The following TSPAN9 variants were observed in gnomAD, a reference collection of about 807,000 sequenced individuals.
TSPAN9 encodes tetraspanin-9.
Under a neutral mutation model 31.0 loss-of-function variants are expected in TSPAN9, and 16 were observed. That is an observed-to-expected ratio of 0.52 (90% CI 0.35 to 0.78). The LOEUF (loss-of-function observed/expected upper bound fraction) is 0.78. TSPAN9 is among the 30% of genes least tolerant of loss of function. TSPAN9 has a pLI of 0.01. For synonymous variants in TSPAN9, 145 were observed against 121.6 expected, an observed-to-expected ratio of 1.19 and a Z score of -1.27; for missense variants, 272 against 312.5, an observed-to-expected ratio of 0.87 and a Z score of 0.98.
At chr12:3,198,489 T>C (rs1223550170) in intron 2 of TSPAN9, among the ~76,000 whole-genome samples, 2 of 69,720 alleles carry the variant, frequency 2.9e-5, no homozygotes, top group African/African-American at 7.3e-5. Context: ...CCAGCACAGG[T>C]CACCAGCACA....
chr12:3,231,202 G>C (rs1280892695), intron 3 of TSPAN9, among the ~76,000 whole-genome samples: 1 of 152,148 alleles, frequency 6.6e-6, no homozygotes, highest in Non-Finnish European at 1.5e-5. Context: ...AGAACAGCAG[G>C]TGCAGAAATG....
chr12:3,174,234 GTT>G (rs531606657), intron 2 of TSPAN9, among the ~76,000 whole-genome samples: 35 of 152,146 alleles, frequency 2.3e-4, no homozygotes, highest in South Asian at 1.2e-3. Context: ...TACCTGGCTA[GTT>G]TTTTAGTTTT....
At chr12:3,100,328 C>G (rs10744592) in intron 2 of TSPAN9, among the ~76,000 whole-genome samples, 93,377 of 152,004 alleles carry the variant, frequency 0.61, 29,366 homozygotes, top group African/African-American at 0.74. Context: ...ACTCTCTGCT[C>G]TCCTCTCCTC....
chr12:3,163,841 A>G (rs1438611650), intron 2 of TSPAN9, among the ~76,000 whole-genome samples: 1 of 152,350 alleles, frequency 6.6e-6, no homozygotes, highest in Admixed American at 6.5e-5. Context: ...TGGAGGATAC[A>G]GAAAACCTCT....
At chr12:3,079,062 C>T (rs189300480) in intron 1 of TSPAN9, among the ~76,000 whole-genome samples, 382 of 152,014 alleles carry the variant, frequency 2.5e-3, no homozygotes, top group African/African-American at 8.6e-3. Flanking sequence ...TCACTGCAAC[C>T]CCCGCGTCCC....
At chr12:3,125,734 G>A (rs2098327076) in intron 2 of TSPAN9, among the ~76,000 whole-genome samples, 1 of 151,970 alleles carries the variant, frequency 6.6e-6, no homozygotes, top group Admixed American at 6.6e-5. Context: ...TTGTTGTTGT[G>A]GCCTGCTGGG....
At chr12:3,097,362 T>C (rs888382973) in intron 2 of TSPAN9, among the ~76,000 whole-genome samples, 1 of 152,148 alleles carries the variant, frequency 6.6e-6, no homozygotes, top group Non-Finnish European at 1.5e-5. Flanking sequence ...TATTTTGGGT[T>C]TGGTGGGCTG....
chr12:3,214,049 C>T (rs937067223), intron 3 of TSPAN9, among the ~76,000 whole-genome samples: 5 of 152,196 alleles, frequency 3.3e-5, no homozygotes, highest in Non-Finnish European at 7.3e-5. Context: ...GGGTTCTAGT[C>T]CCCGGCATGC....
intron 3 of TSPAN9, among the ~76,000 whole-genome samples, chr12:3,246,191 G>A (rs560753868): frequency 5.3e-5 from 8 of 151,818 alleles, no homozygotes; most frequent in Middle Eastern, 3.4e-3. Context: ...TTGCGGGGCG[G>A]GGGGTGGTGC....
chr12:3,240,332 G>T (rs373573226), intron 3 of TSPAN9, among the ~76,000 whole-genome samples: 37 of 140,240 alleles, frequency 2.6e-4, no homozygotes, highest in South Asian at 9.1e-4. Flanking sequence ...GAGGCCAGGT[G>T]GGGGAGCAGC....
chr12:3,226,772 A>T (rs1299979988), intron 3 of TSPAN9, among the ~76,000 whole-genome samples: 4 of 1,634 alleles, frequency 2.4e-3, no homozygotes, highest in African/African-American at 5.7e-3. Context: ...ATATATATAT[A>T]TATATATATA....
intron 3 of TSPAN9, among the ~76,000 whole-genome samples, chr12:3,224,744 C>T (rs2098386280): frequency 6.6e-6 from 1 of 152,232 alleles, no homozygotes; most frequent in Non-Finnish European, 1.5e-5. Flanking sequence ...GTAATGACAG[C>T]TGTCGGGTCT....
chr12:3,169,228 C>T (rs1436957315), intron 2 of TSPAN9, among the ~76,000 whole-genome samples: 1 of 152,246 alleles, frequency 6.6e-6, no homozygotes, highest in Non-Finnish European at 1.5e-5. Context: ...AACTCTGTTT[C>T]GGGTGGGTGT....
At chr12:3,098,733 TG>T (rs1451950962) in intron 2 of TSPAN9, among the ~76,000 whole-genome samples, 3 of 151,912 alleles carry the variant, frequency 2.0e-5, no homozygotes, top group Admixed American at 6.6e-5. Context: ...GATATGGCAT[TG>T]TTTTTTTTTT....
intron 2 of TSPAN9, among the ~76,000 whole-genome samples, chr12:3,104,146 G>A (rs2098313113): frequency 6.6e-6 from 1 of 152,078 alleles, no homozygotes; most frequent in African/African-American, 2.4e-5. Context: ...ACAGCTGGAG[G>A]GGAGTGAGCA....
At position 3,281,593 on chromosome 12, in the gene TSPAN9, G is replaced by C. The variant is rs996190818; in HGVS notation, c.565-141G>C. ...GCGGGTGGGGCGGAGGCTGCGCCAA[G>C]GGATGGGGACAGGGCTGAGGCCAGG... On this transcript the variant is annotated intron_variant, in intron 7 of 8. Coordinates refer to ENST00000011898, the MANE Select transcript of TSPAN9 (RefSeq NM_006675.5). 6.2e-6 allele frequency: 7 copies of C among 1,129,332 alleles called. No homozygotes were observed. In the East Asian group the frequency reaches 1.5e-4, roughly 25 times the overall value. The allele number at this position is 1,129,332 out of a possible 1,614,324, so 70.0% of individuals were successfully genotyped here.
rs541931266 is a variant in TSPAN9 at position 3,203,494 on chromosome 12, A to C, written c.63+2238A>C. ...CTTAAAACCTTGGCAGAGGTTAATGAGCTAGTTGGTGGAATATATTTTCGT... is the reference window on the plus strand; with the variant it reads ...CTTAAAACCTTGGCAGAGGTTAATGCGCTAGTTGGTGGAATATATTTTCGT... On this transcript the variant is annotated intron_variant, in intron 3 of 8. Transcript: ENST00000011898. Among the ~76,000 whole-genome samples, 4 of 152,326 alleles carry C rather than the reference A, an allele frequency of 2.6e-5. No individual in the cohort carries two copies. In the East Asian group the frequency reaches 7.7e-4, roughly 29 times the overall value.
intron 3 of TSPAN9, among the ~76,000 whole-genome samples, chr12:3,264,252 G>A (rs540987509): frequency 2.6e-5 from 4 of 152,206 alleles, no homozygotes; most frequent in East Asian, 3.9e-4. Flanking sequence ...CAGGGGACCC[G>A]GGGAAGGGGG....
intron 3 of TSPAN9, among the ~76,000 whole-genome samples, chr12:3,257,940 G>A (rs71458049): frequency 0.034 from 5,226 of 152,268 alleles, 152 homozygotes; most frequent in Non-Finnish European, 0.045. Context: ...CCAGGCAGAG[G>A]TGTGGCCTGA....
Sources: allele counts gnomAD v4.1 joint callset (sites outside exome capture counted in the v4.1 genomes callset), GRCh38; gene constraint gnomAD v4.1.1; transcripts MANE v1.5; gene names NCBI Gene and HGNC (gene_info 2026-07-23, HGNC 2026-07-21).